The following CTTNBP2 variants were observed in gnomAD, a reference collection of about 807,000 sequenced individuals.
CTTNBP2 encodes cortactin-binding protein 2.
CTTNBP2 carries 108 observed loss-of-function variants against 156.9 expected under a neutral mutation model. The observed-to-expected ratio is 0.69, with a 90% CI of 0.59 to 0.81. CTTNBP2 has a LOEUF of 0.81. CTTNBP2 is among the 30% of genes least tolerant of loss of function. The pLI is 0.00. For missense variants in CTTNBP2, 1,924 were observed against 2,035.4 expected (o/e 0.95, Z 1.05); for synonymous variants, 767 against 751.8 (o/e 1.02, Z -0.33).
intron 2 of CTTNBP2, among the ~76,000 whole-genome samples, chr7:117,811,707 A>G (rs1326839181): frequency 2.0e-5 from 3 of 152,070 alleles, no homozygotes; most frequent in African/African-American, 7.2e-5. Flanking sequence ...AAATAATATC[A>G]GGTTAAATCA....
At position 117,845,312 on chromosome 7, in the gene CTTNBP2, G is replaced by A. The variant is rs1177681275; in HGVS notation, c.189+15897C>T. Among the ~76,000 whole-genome samples, 6 of 152,050 alleles carry A rather than the reference G, an allele frequency of 3.9e-5. No individual in the cohort carries two copies. In the East Asian group the frequency reaches 1.2e-3, roughly 29 times the overall value. ...AATCTCAAAGTTGAAGAATAGCTAG[G>A]GATATGTTCACTCACAATATATTAA... On this transcript the variant is annotated intron_variant, in intron 2 of 22. Coordinates refer to ENST00000160373, the MANE Select transcript of CTTNBP2 (RefSeq NM_033427.3).
intron 3 of CTTNBP2, among the ~76,000 whole-genome samples, chr7:117,799,355 A>G (rs1799488409): frequency 6.6e-6 from 1 of 151,982 alleles, no homozygotes; most frequent in Admixed American, 6.6e-5. Flanking sequence ...TTGGTTTAAT[A>G]TTTGAAAATC....
At chr7:117,793,568 G>A (rs1356347973) in intron 3 of CTTNBP2, 1 of 152,306 alleles carries the variant, frequency 6.6e-6, no homozygotes, top group Non-Finnish European at 1.5e-5. Context: ...AGTAAGCCAT[G>A]TGCGCATGGC....
intron 12 of CTTNBP2, chr7:117,755,537 CTT>C (rs1796837332): frequency 2.1e-6 from 1 of 470,342 alleles, no homozygotes. Context: ...AGATGCATGA[CTT>C]TGAGCATTTT....
chr7:117,873,365 C>A lies in CTTNBP2; in HGVS notation c.51G>T (p.Glu17Asp). Residue 17 changes from glutamate (E) to aspartate (D), a missense_variant, in exon 1 of 23, where the codon GAG becomes GAT. Glu to Asp is a conservative substitution (Grantham distance 45). Coordinates refer to ENST00000160373, the MANE Select transcript of CTTNBP2 (RefSeq NM_033427.3). ...SCEPDLSRAPEDAAGAAAEAA... is the reference protein window; with the variant it reads ...SCEPDLSRAPDDAAGAAAEAA... Reference sequence around the variant, plus strand: ...CCTCCGCCGCGGCCCCCGCCGCGTCCTCCGGGGCCCGGGACAAGTCGGGCT... The same window carrying A: ...CCTCCGCCGCGGCCCCCGCCGCGTCATCCGGGGCCCGGGACAAGTCGGGCT... The A allele has an allele frequency of 6.8e-7, 1 of 1,472,500 alleles. No individual in the cohort carries two copies. The highest frequency in any genetic ancestry group is 2.9e-5 in the East Asian group (1 of 34,144). 91.2% of individuals were successfully genotyped at this position (1,472,500 alleles called of 1,614,324 possible).
chr7:117,742,515 G>A (rs1796075155), intron 14 of CTTNBP2, among the ~76,000 whole-genome samples: 1 of 152,178 alleles, frequency 6.6e-6, no homozygotes, highest in African/African-American at 2.4e-5. Flanking sequence ...AAATCACAGG[G>A]ATTTTAATCA....
At chr7:117,831,464 C>T (rs1432501937) in intron 2 of CTTNBP2, among the ~76,000 whole-genome samples, 1 of 152,044 alleles carries the variant, frequency 6.6e-6, no homozygotes, top group Non-Finnish European at 1.5e-5. Flanking sequence ...GAATGTCCAC[C>T]TTGAGCCACA....
chr7:117,832,088 C>T (rs1422877468), intron 2 of CTTNBP2, among the ~76,000 whole-genome samples: 3 of 152,164 alleles, frequency 2.0e-5, no homozygotes, highest in Non-Finnish European at 4.4e-5. Context: ...CCACCCCACA[C>T]CTTTTACCTC....
At chr7:117,841,454 C>A (rs183169548) in intron 2 of CTTNBP2, among the ~76,000 whole-genome samples, 4 of 152,142 alleles carry the variant, frequency 2.6e-5, no homozygotes, top group Non-Finnish European at 5.9e-5. Flanking sequence ...TTTCACTAAG[C>A]CATTTGGAAC....
chr7:117,796,510 C>T (rs1018089812), intron 3 of CTTNBP2, among the ~76,000 whole-genome samples: 1 of 152,154 alleles, frequency 6.6e-6, no homozygotes, highest in Non-Finnish European at 1.5e-5. Context: ...AGATGTAGTA[C>T]TAAATTCTGA....
intron 2 of CTTNBP2, among the ~76,000 whole-genome samples, chr7:117,812,737 CT>C (rs1563032912): frequency 6.6e-6 from 1 of 152,116 alleles, no homozygotes; most frequent in Non-Finnish European, 1.5e-5. Flanking sequence ...TCATTTTGCC[CT>C]TCACATTTTT....
rs534510422 is a variant in CTTNBP2, at chr7:117,719,695, CT to C, written c.4512-60del. ...TGAGAACAATTCCCAATTTGGAAAT[CT>C]AGACACTGTACCTTTTTTGGGATTT... On this transcript the variant is annotated intron_variant, in intron 20 of 22. Coordinates refer to ENST00000160373, the MANE Select transcript of CTTNBP2 (RefSeq NM_033427.3). 2.7e-3 allele frequency: 3,988 copies of C among 1,462,440 alleles called. 12 individuals carry two copies. The highest frequency in any genetic ancestry group is 3.3e-3 in the Non-Finnish European group (3,507 of 1,067,946). 90.6% of individuals were successfully genotyped at this position (1,462,440 alleles called of 1,614,324 possible).
At chr7:117,774,421 C>A (rs377282775) in intron 8 of CTTNBP2, among the ~76,000 whole-genome samples, 1 of 152,128 alleles carries the variant, frequency 6.6e-6, no homozygotes, top group Admixed American at 6.5e-5. Flanking sequence ...AGTCCATGGC[C>A]TGTTAGGAAC....
rs1372701419 is a variant in CTTNBP2, at chr7:117,777,707, A to C, written c.2582T>G (p.Leu861Arg). The change falls in exon 8 of 23, where the codon CTT becomes CGT. Residue 861 changes from leucine to arginine, a missense_variant. Transcript: ENST00000160373. ...AGCTGGTATTCTATGGTACATAAGA[A>C]GCTTGAGGCTGTCCACATTACCAGT... ...VDTGNVDSLK[L>R]LMYHRIPAHG... is the part of the protein sequence containing the mutation. The C allele has an allele frequency of 6.2e-7, 1 of 1,614,094 alleles. No homozygotes were observed. Among genetic ancestry groups the C allele is most frequent in the Non-Finnish European group, 8.5e-7 (1 of 1,179,936 alleles).
rs189395258 is a variant in CTTNBP2 at position 117,716,880 on chromosome 7, C to T, written c.4746+1138G>A. 2.0e-3 allele frequency among the ~76,000 whole-genome samples: 302 copies of T among 152,258 alleles called. 1 individual carries two copies. Among genetic ancestry groups the T allele is most frequent in the Middle Eastern group, 0.017 (5 of 294 alleles). On this transcript the variant is annotated intron_variant, in intron 22 of 22. Transcript: ENST00000160373. ...GGAGCGGGGCTGTGGGGCCCAGTGCCGCTAGGTGATCAGATAAAGCTTAAT... is the reference window on the plus strand; with the variant it reads ...GGAGCGGGGCTGTGGGGCCCAGTGCTGCTAGGTGATCAGATAAAGCTTAAT...
intron 1 of CTTNBP2, among the ~76,000 whole-genome samples, chr7:117,864,822 ATATATTCATATATATTCATTC>A (rs1159295819): frequency 5.4e-3 from 749 of 139,738 alleles, no homozygotes; most frequent in South Asian, 0.011. Flanking sequence ...TTCATTCAAT[ATATATTCATATATATTCATTC>A]TATATTCATA....
At chr7:117,827,504 C>T (rs1003158697) in intron 2 of CTTNBP2, among the ~76,000 whole-genome samples, 4 of 152,150 alleles carry the variant, frequency 2.6e-5, no homozygotes, top group African/African-American at 9.7e-5. Context: ...CAATATTAAG[C>T]TTCTTACAAA....
At chr7:117,768,213 C>A (rs537345778) in intron 8 of CTTNBP2, among the ~76,000 whole-genome samples, 33 of 152,190 alleles carry the variant, frequency 2.2e-4, no homozygotes, top group African/African-American at 7.7e-4. Flanking sequence ...CACACCCTTA[C>A]ATCCACTTTT....
chr7:117,862,811 C>T (rs1803861209), intron 1 of CTTNBP2, among the ~76,000 whole-genome samples: 2 of 152,176 alleles, frequency 1.3e-5, no homozygotes, highest in Admixed American at 1.3e-4. Context: ...ACCATATTGC[C>T]ACCTCCATTT....
Sources: gnomAD v4.1 joint callset for allele counts (sites outside exome capture counted in the v4.1 genomes callset) on GRCh38, gnomAD v4.1.1 for gene constraint, MANE v1.5 for transcripts, NCBI Gene and HGNC (gene_info 2026-07-23, HGNC 2026-07-21) for gene names.